The following PTPRD variants were observed in gnomAD, a reference collection of about 807,000 sequenced individuals.
The protein encoded by PTPRD is receptor-type tyrosine-protein phosphatase delta.
Under a neutral mutation model 214.5 loss-of-function variants are expected in PTPRD, and 34 were observed. The observed-to-expected ratio is 0.16, with a 90% CI of 0.12 to 0.21. The LOEUF is 0.21. PTPRD is among the 10% of genes least tolerant of loss of function. PTPRD has a pLI of 1.00. For missense variants in PTPRD, 2,545 were observed against 2,398.7 expected, an observed-to-expected ratio of 1.06 and a Z score of -1.27; for synonymous variants, 1,128 against 845.7, an observed-to-expected ratio of 1.33 and a Z score of -5.79.
At chr9:8,331,531 ATGAAGAAACACCACCACTT>A (rs1425236037) in intron 44 of PTPRD, 32 bp downstream of exon 44, 1 of 1,551,790 alleles carries the variant, frequency 6.4e-7, no homozygotes, top group African/African-American at 1.4e-5. Context: ...TATACAGACA[ATGAAGAAACACCACCACTT>A]ATCACTGCTT....
intron 11 of PTPRD, among the ~76,000 whole-genome samples, chr9:8,929,830 T>C (rs1412894425): frequency 1.9e-5 from 2 of 107,312 alleles, no homozygotes; most frequent in Non-Finnish European, 3.9e-5. Flanking sequence ...TGTATATATA[T>C]GTGTATATAT....
chr9:10,327,804 CA>C (rs1245203121), intron 3 of PTPRD, among the ~76,000 whole-genome samples: 1 of 151,598 alleles, frequency 6.6e-6, no homozygotes, highest in Non-Finnish European at 1.5e-5. Flanking sequence ...GAACTCAAAC[CA>C]ATGCCAAACT....
intron 7 of PTPRD, among the ~76,000 whole-genome samples, chr9:9,581,692 C>A (rs668026): frequency 6.6e-6 from 1 of 151,886 alleles, no homozygotes; most frequent in South Asian, 2.1e-4. Context: ...ATCTTCTCAA[C>A]GTCTTAATCA....
At chr9:9,688,912 A>T (rs2097212978) in intron 7 of PTPRD, among the ~76,000 whole-genome samples, 1 of 151,834 alleles carries the variant, frequency 6.6e-6, no homozygotes, top group African/African-American at 2.4e-5. Flanking sequence ...TAATAGATGG[A>T]TATGTGAATG....
At chr9:8,785,615 T>G (rs898769171) in intron 11 of PTPRD, among the ~76,000 whole-genome samples, 1 of 152,164 alleles carries the variant, frequency 6.6e-6, no homozygotes, top group Non-Finnish European at 1.5e-5. Context: ...GTCAAAGCCA[T>G]GTCACAGAAT....
chr9:10,549,842 T>C (rs747073640), intron 2 of PTPRD, among the ~76,000 whole-genome samples: 1 of 152,040 alleles, frequency 6.6e-6, no homozygotes, highest in Non-Finnish European at 1.5e-5. Context: ...GATTAAAAGG[T>C]AATGAAAAAA....
intron 9 of PTPRD, among the ~76,000 whole-genome samples, chr9:9,235,921 G>C (rs933344284): frequency 6.6e-6 from 1 of 152,096 alleles, no homozygotes; most frequent in African/African-American, 2.4e-5. Context: ...ATGTCTCCAT[G>C]AACTTATTAG....
At chr9:8,920,800 C>CTTATTTATTTAT (rs201981267) in intron 11 of PTPRD, among the ~76,000 whole-genome samples, 223 of 151,786 alleles carry the variant, frequency 1.5e-3, no homozygotes, top group African/African-American at 5.2e-3. Flanking sequence ...TCTCCATTTT[C>CTTATTTATTTAT]TTATTTATTT....
chr9:8,839,394 T>C (rs1322166336), intron 11 of PTPRD, among the ~76,000 whole-genome samples: 1 of 152,158 alleles, frequency 6.6e-6, no homozygotes, highest in African/African-American at 2.4e-5. Context: ...GGCGCGATCT[T>C]GGCTCACTGC....
intron 42 of PTPRD, 29 bp downstream of exon 42, chr9:8,340,314 G>A: frequency 6.4e-7 from 1 of 1,568,388 alleles, no homozygotes; most frequent in Non-Finnish European, 8.7e-7. Flanking sequence ...AATGTCTTAT[G>A]AGGAGACACA....
chr9:9,512,414 T>C (rs1017360734), intron 8 of PTPRD, among the ~76,000 whole-genome samples: 2 of 151,802 alleles, frequency 1.3e-5, no homozygotes, highest in African/African-American at 4.8e-5. Context: ...CTTGAAAAGG[T>C]AGAAGGGTTA....
At chr9:9,110,678 T>C (rs1431453531) in intron 10 of PTPRD, among the ~76,000 whole-genome samples, 2 of 152,132 alleles carry the variant, frequency 1.3e-5, no homozygotes, top group Non-Finnish European at 2.9e-5. Context: ...CTCTCAAATA[T>C]ATCCTCTTAT....
At position 8,726,611 on chromosome 9, in the gene PTPRD, A is replaced by ATTAT. The variant is rs2098573034; in HGVS notation, c.64+7168_64+7169insATAA. The stretch of plus-strand genomic sequence containing the variant: ...AAAATATATATATATATATATATAT[A>ATTAT]TATATATATATATATATATATATAT... On this transcript the variant is annotated intron_variant, in intron 12 of 45. Coordinates refer to ENST00000381196, the MANE Select transcript of PTPRD (RefSeq NM_002839.4). 1.4e-4 allele frequency among the ~76,000 whole-genome samples: 3 copies of ATTAT among 21,616 alleles called. 1 individual carries two copies. The highest frequency in any genetic ancestry group is 2.7e-4 in the Non-Finnish European group (3 of 10,910). 14.2% of individuals were successfully genotyped at this position (21,616 alleles called of 152,430 possible).
intron 9 of PTPRD, among the ~76,000 whole-genome samples, chr9:9,216,421 A>C (rs187499827): frequency 6.6e-4 from 100 of 152,290 alleles, no homozygotes; most frequent in Non-Finnish European, 1.1e-3. Context: ...AAAATATGTA[A>C]TCCTGAGCCT....
intron 8 of PTPRD, among the ~76,000 whole-genome samples, chr9:9,444,424 A>T (rs1467736744): frequency 1.3e-5 from 2 of 152,182 alleles, no homozygotes; most frequent in African/African-American, 4.8e-5. Flanking sequence ...TAATTCTCAG[A>T]CCCAAAGGAC....
intron 33 of PTPRD, chr9:8,454,653 G>A: frequency 6.4e-7 from 1 of 1,574,162 alleles, no homozygotes; most frequent in South Asian, 1.1e-5. Flanking sequence ...TTGGCCAATG[G>A]TAACAAGGAT....
chr9:8,919,218 T>A (rs1351727606), intron 11 of PTPRD, among the ~76,000 whole-genome samples: 2 of 151,814 alleles, frequency 1.3e-5, no homozygotes, highest in African/African-American at 2.4e-5. Flanking sequence ...CATGGCGAAA[T>A]CCTGTCTCTA....
intron 34 of PTPRD, among the ~76,000 whole-genome samples, chr9:8,448,146 C>G (rs1437959424): frequency 6.6e-6 from 1 of 151,764 alleles, no homozygotes; most frequent in Non-Finnish European, 1.5e-5. Flanking sequence ...GCAACACGGC[C>G]AAACTCCACC....
At chr9:10,169,959 A>C (rs1383567449) in intron 3 of PTPRD, among the ~76,000 whole-genome samples, 1 of 152,218 alleles carries the variant, frequency 6.6e-6, no homozygotes, top group African/African-American at 2.4e-5. Flanking sequence ...AGAAAAGATA[A>C]ATACACTCAA....
Sources: gnomAD v4.1 joint callset for allele counts (sites outside exome capture counted in the v4.1 genomes callset) on GRCh38, gnomAD v4.1.1 for gene constraint, MANE v1.5 for transcripts, NCBI Gene and HGNC (gene_info 2026-07-23, HGNC 2026-07-21) for gene names.